GLIS1: variants seen among roughly 807,000 people sequenced by gnomAD.
The protein encoded by GLIS1 is GLIS family zinc finger 1.
GLIS1 carries 24 observed loss-of-function variants against 63.8 expected under a neutral mutation model. The ratio of observed to expected loss-of-function variants is 0.38; its 90% CI spans 0.27 to 0.53. The LOEUF (loss-of-function observed/expected upper bound fraction) is 0.53, where lower values mean the gene tolerates loss of function less well. GLIS1 is among the 20% of genes least tolerant of loss of function. The probability of loss-of-function intolerance (pLI) is 0.85; values close to 1 mark genes in which losing one functional copy is unlikely to be tolerated. For synonymous variants in GLIS1, 450 were observed against 482.5 expected (o/e 0.93, Z 0.88); for missense variants, 1,036 against 1,074.1 (o/e 0.96, Z 0.50).
chr1:53,524,904 A>C lies in GLIS1; in HGVS notation c.1483-17T>G. On this transcript the variant is annotated splice_polypyrimidine_tract_variant and intron_variant, in intron 5 of 10. Transcript: ENST00000628545. Reference sequence around the variant, plus strand: ...GTACGGCTTCTGTAACATGGGGGGCACGGGTGGGGTGAGTGAGGCCCATCC... The same window carrying C: ...GTACGGCTTCTGTAACATGGGGGGCCCGGGTGGGGTGAGTGAGGCCCATCC... The C allele has an allele frequency of 3.8e-6, 6 of 1,565,414 alleles. No homozygotes were observed. The highest frequency in any genetic ancestry group is 5.3e-6 in the Non-Finnish European group (6 of 1,137,524).
intron 2 of GLIS1, among the ~76,000 whole-genome samples, chr1:53,668,244 A>G (rs909486806): frequency 3.5e-4 from 53 of 152,360 alleles, no homozygotes; most frequent in African/African-American, 1.3e-3. Context: ...CTACATACAC[A>G]TACACACATA....
chr1:53,644,998 ATC>A (rs1162950812), intron 2 of GLIS1, among the ~76,000 whole-genome samples: 3 of 152,230 alleles, frequency 2.0e-5, no homozygotes, highest in Admixed American at 6.5e-5. Context: ...GATCACTATT[ATC>A]TCTCCTCAGT....
At chr1:53,601,913 G>A (rs761923807) in intron 2 of GLIS1, among the ~76,000 whole-genome samples, 8 of 152,220 alleles carry the variant, frequency 5.3e-5, no homozygotes, top group Admixed American at 1.3e-4. Flanking sequence ...GCTCTGGACA[G>A]GCACCAGGCA....
At chr1:53,717,876 G>GT (rs1646716046) in intron 2 of GLIS1, among the ~76,000 whole-genome samples, 1 of 152,078 alleles carries the variant, frequency 6.6e-6, no homozygotes, top group African/African-American at 2.4e-5. Context: ...CAACAAAAAT[G>GT]TAAGTTAAAA....
At position 53,614,786 on chromosome 1, in the gene GLIS1, TCACACGCACA is replaced by T. The variant is rs1306062652; in HGVS notation, c.260-14518_260-14509del. Among the ~76,000 whole-genome samples, 5 of 142,310 alleles carry T rather than the reference TCACACGCACA, an allele frequency of 3.5e-5. No homozygotes were observed. The South Asian group carries it at 9.1e-4, about 26-fold the overall frequency. The allele number at this position is 142,310 out of a possible 152,430, so 93.4% of individuals were successfully genotyped here. ...TGTCAGATCTCACAGAATTGTTCTC[TCACACGCACA>T]CACACGCACACACATGCACACACAT... On this transcript the variant is annotated intron_variant, in intron 2 of 10. Transcript: ENST00000628545.
rs1040937131 is a variant in GLIS1, at chr1:53,646,094, C to T, written c.260-45816G>A. Among the ~76,000 whole-genome samples, 8 of 152,000 alleles carry T rather than the reference C, an allele frequency of 5.3e-5. No individual in the cohort carries two copies. The highest frequency in any genetic ancestry group is 1.9e-4 in the East Asian group (1 of 5,202). ...ATTTAAAAAGCAAATCTCAGTATAC[C>T]GAATAAAGTTCAAAATCCACTAAAA... On this transcript the variant is annotated intron_variant, in intron 2 of 10. Transcript: ENST00000628545. The surrounding 1 kb of genome is among the most constrained non-coding windows in gnomAD (Gnocchi z 4.2).
chr1:53,582,491 C>T (rs1355857601), intron 4 of GLIS1, among the ~76,000 whole-genome samples: 1 of 152,198 alleles, frequency 6.6e-6, no homozygotes, highest in African/African-American at 2.4e-5. Flanking sequence ...TCCAGCAGGT[C>T]ACCTCTCCGC....
intron 2 of GLIS1, among the ~76,000 whole-genome samples, chr1:53,658,965 A>C (rs1468587311): frequency 2.0e-5 from 3 of 152,146 alleles, no homozygotes; most frequent in Non-Finnish European, 4.4e-5. Flanking sequence ...CAAGGGGCCA[A>C]GGGGGTAGCA....
chr1:53,599,677 C>A (rs1254826642), intron 3 of GLIS1, among the ~76,000 whole-genome samples: 1 of 152,260 alleles, frequency 6.6e-6, no homozygotes, highest in Non-Finnish European at 1.5e-5. Flanking sequence ...AGTGTGCAAG[C>A]ACTGAGTGGA....
At chr1:53,618,743 G>A (rs1354203710) in intron 2 of GLIS1, among the ~76,000 whole-genome samples, 3 of 152,184 alleles carry the variant, frequency 2.0e-5, no homozygotes, top group Non-Finnish European at 4.4e-5. Context: ...CAAGGAGAAA[G>A]CCTGTCCATG....
At chr1:53,721,609 T>C (rs17384346) in intron 2 of GLIS1, among the ~76,000 whole-genome samples, 64,252 of 152,076 alleles carry the variant, frequency 0.42, 14,430 homozygotes, top group African/African-American at 0.57. Context: ...GCTGCCTCTC[T>C]GGAGTGCGAC....
chr1:53,713,221 G>A (rs1646663957), intron 2 of GLIS1, among the ~76,000 whole-genome samples: 2 of 100,366 alleles, frequency 2.0e-5, no homozygotes, highest in African/African-American at 3.8e-5. Context: ...TGGGCAACAT[G>A]GTGAGACCTC....
intron 2 of GLIS1, among the ~76,000 whole-genome samples, chr1:53,708,860 A>T (rs1165760661): frequency 6.6e-6 from 1 of 152,158 alleles, no homozygotes; most frequent in Non-Finnish European, 1.5e-5. Context: ...TCTCACCTCC[A>T]ACAAGGCTGC....
intron 2 of GLIS1, among the ~76,000 whole-genome samples, chr1:53,683,532 G>A (rs1272778040): frequency 1.3e-5 from 2 of 152,100 alleles, no homozygotes; most frequent in Admixed American, 1.3e-4. Flanking sequence ...CTACCTCAGA[G>A]AGTTCTCACG....
chr1:53,593,910 G>A (rs574905201), intron 4 of GLIS1, among the ~76,000 whole-genome samples, 198 bp downstream of exon 4: 31 of 152,340 alleles, frequency 2.0e-4, no homozygotes, highest in African/African-American at 7.2e-4. Flanking sequence ...GGGCCCCTCT[G>A]CCACGGTTCC....
chr1:53,626,336 T>C (rs990163039), intron 2 of GLIS1, among the ~76,000 whole-genome samples: 4 of 152,162 alleles, frequency 2.6e-5, no homozygotes, highest in Non-Finnish European at 5.9e-5. Context: ...TCTTGCCAAG[T>C]CTGTCCTCGA....
Position 53,726,920 on chromosome 1 carries a change from G to C in GLIS1, c.259+10886C>G, listed in dbSNP as rs572616033. On this transcript the variant is annotated intron_variant, in intron 2 of 10. Coordinates refer to ENST00000628545, the MANE Select transcript of GLIS1 (RefSeq NM_001367484.1). ...AGAGTCAGGCCTGGGACCTAGCCCA[G>C]CTCTCCACTCACAAAGACTAACAAC... is the stretch of plus-strand genomic sequence containing the variant. Among the ~76,000 whole-genome samples, 23 of 152,342 alleles carry C rather than the reference G, an allele frequency of 1.5e-4. No individual in the cohort carries two copies. In the East Asian group the frequency reaches 3.7e-3, roughly 24 times the overall value.
At chr1:53,674,948 T>C (rs1053220181) in intron 2 of GLIS1, among the ~76,000 whole-genome samples, 6 of 152,098 alleles carry the variant, frequency 3.9e-5, no homozygotes, top group South Asian at 2.1e-4. Flanking sequence ...AGATTTCAAA[T>C]AGAAGTGCCC....
intron 2 of GLIS1, among the ~76,000 whole-genome samples, chr1:53,693,205 A>G (rs529176183): frequency 1.3e-5 from 2 of 152,264 alleles, no homozygotes; most frequent in African/African-American, 4.8e-5. Flanking sequence ...TGAGACTATT[A>G]TCCCACTTTA....
Sources: gnomAD v4.1 joint callset for allele counts (sites outside exome capture counted in the v4.1 genomes callset) on GRCh38, gnomAD v4.1.1 for gene constraint, Gnocchi (gnomAD v3.1) non-coding constraint, MANE v1.5 for transcripts, NCBI Gene and HGNC (gene_info 2026-07-23, HGNC 2026-07-21) for gene names.